BRD4: variants seen among roughly 807,000 people sequenced by gnomAD.
BRD4 encodes bromodomain containing 4, also known as bromodomain-containing protein 4.
In BRD4, 16 loss-of-function variants were observed where a neutral mutation model predicts 142.1. The ratio of observed to expected loss-of-function variants is 0.11; its 90% CI spans 0.08 to 0.17. The LOEUF (loss-of-function observed/expected upper bound fraction) is 0.17. Ranked by LOEUF, BRD4 falls within the 10% of genes least tolerant of loss-of-function variation. The pLI, the probability that BRD4 is intolerant of heterozygous loss-of-function variation, is 1.00. For missense variants in BRD4, 1,424 were observed against 1,810.9 expected (o/e 0.79, Z 3.88); for synonymous variants, 833 against 707.5 (o/e 1.18, Z -2.82).
At chr19:15,272,299 C>T (rs970251585) in intron 2 of BRD4, among the ~76,000 whole-genome samples, 1 of 152,142 alleles carries the variant, frequency 6.6e-6, no homozygotes, top group Non-Finnish European at 1.5e-5. Context: ...CAACTGGGGA[C>T]GCCTCCATGT....
intron 2 of BRD4, among the ~76,000 whole-genome samples, chr19:15,271,943 G>GGCTCTGGTGTGCACACACCAGTC (rs2047592417): frequency 2.0e-5 from 3 of 150,976 alleles, no homozygotes; most frequent in South Asian, 2.1e-4. Context: ...ACACACCAGT[G>GGCTCTGGTGTGCACACACCAGTC]GCTCTGGTGT....
chr19:15,306,249 T>C (rs548820998), intron 1 of BRD4, among the ~76,000 whole-genome samples: 1 of 152,350 alleles, frequency 6.6e-6, no homozygotes, highest in African/African-American at 2.4e-5. Flanking sequence ...GCAGCCTAGC[T>C]TTTGGCTTTC....
intron 1 of BRD4, among the ~76,000 whole-genome samples, chr19:15,326,200 T>TA: frequency 6.9e-6 from 1 of 145,172 alleles, no homozygotes; most frequent in East Asian, 2.0e-4. Flanking sequence ...CTCATGCCTG[T>TA]AATCCTAATC....
intron 1 of BRD4, among the ~76,000 whole-genome samples, chr19:15,331,265 AAC>A (rs2048155132): frequency 6.6e-6 from 1 of 152,230 alleles, no homozygotes; most frequent in Non-Finnish European, 1.5e-5. Flanking sequence ...CGTCCACTAC[AAC>A]AGAGTGGGGT....
Position 15,264,586 on chromosome 19 carries a change from G to C in BRD4, c.1030C>G (p.Pro344Ala). ...DVPDSQQHPA[P>A]EKSSKVSEQL... ...TCCGAGACCTTGCTGCTCTTCTCTGGTGCTGGGTGCTGCTGAGAGTCGGGC... is the reference window on the plus strand; with the variant it reads ...TCCGAGACCTTGCTGCTCTTCTCTGCTGCTGGGTGCTGCTGAGAGTCGGGC... The change falls in exon 6 of 20, where the codon CCA becomes GCA. Residue 344 changes from proline to alanine, a missense_variant. Pro to Ala is a conservative substitution (Grantham distance 27, BLOSUM62 -1). Around this residue, in one of 16 missense-constraint regions of BRD4, gnomAD observed 86 missense variants for 79.9 expected, o/e 1.08. Transcript: ENST00000679869. 6.2e-7 allele frequency: 1 copy of C among 1,614,168 alleles called. No individual in the cohort carries two copies. The highest frequency in any genetic ancestry group is 8.5e-7 in the Non-Finnish European group (1 of 1,180,040).
chr19:15,329,179 C>A (rs1194849479), intron 1 of BRD4, among the ~76,000 whole-genome samples: 1 of 152,014 alleles, frequency 6.6e-6, no homozygotes, highest in Non-Finnish European at 1.5e-5. Context: ...ACAATTCTCA[C>A]CTCGCAAATG....
intron 1 of BRD4, among the ~76,000 whole-genome samples, chr19:15,301,599 C>T (rs544595833): frequency 2.7e-5 from 4 of 150,394 alleles, no homozygotes; most frequent in Non-Finnish European, 4.4e-5. Context: ...CAGTGACTCA[C>T]GCCTGTAATC....
At chr19:15,260,920 G>A (rs564595115) in intron 7 of BRD4, among the ~76,000 whole-genome samples, 26 of 152,084 alleles carry the variant, frequency 1.7e-4, no homozygotes, top group African/African-American at 6.3e-4. Flanking sequence ...GAGGAAGGAA[G>A]GGCTAGAACA....
At chr19:15,327,538 C>T (rs2048119198) in intron 1 of BRD4, among the ~76,000 whole-genome samples, 1 of 151,646 alleles carries the variant, frequency 6.6e-6, no homozygotes, top group Admixed American at 6.6e-5. Flanking sequence ...AGCAAGACTC[C>T]GTCTCGAAAA....
rs184204022 is a variant in BRD4 at position 15,251,563 on chromosome 19, T to C, written c.2158+2589A>G. Among the ~76,000 whole-genome samples the C allele has an allele frequency of 1.6e-3, 234 of 150,378 alleles. 1 individual carries two copies. The highest frequency in any genetic ancestry group is 2.3e-3 in the Non-Finnish European group (157 of 67,756). On this transcript the variant is annotated intron_variant, in intron 11 of 19. Coordinates refer to ENST00000679869, the MANE Select transcript of BRD4 (RefSeq NM_001379291.1). ...AGGCAGAGCTGCCTGTAACGGGCCATGGACATCAGGGCTGCCGGGATTCCT... is the reference window on the plus strand; with the variant it reads ...AGGCAGAGCTGCCTGTAACGGGCCACGGACATCAGGGCTGCCGGGATTCCT...
rs1448980198 is a variant in BRD4, at chr19:15,312,663, C to T, written c.-35+19627G>A. ...ACAACAACCAAAAACAGGCTGTGCA[C>T]GGTGGCTCACATCTGCAATCCTAGA... On this transcript the variant is annotated intron_variant, in intron 1 of 19. Transcript: ENST00000679869. Among the ~76,000 whole-genome samples, 7 of 151,588 alleles carry T rather than the reference C, an allele frequency of 4.6e-5. No individual in the cohort carries two copies. The South Asian group carries it at 1.0e-3, about 23-fold the overall frequency.
In BRD4 at chr19:15,236,192, TTCAA is replaced by T. The variant is rs2047190841; in HGVS notation, c.*2181_*2184del. ...GGAGAATAAACAGTGCTAGAAATGT[TTCAA>T]TCAGTTTGTCTCTGCATACATATAA... is the stretch of plus-strand genomic sequence containing the variant. On this transcript the variant is annotated 3_prime_UTR_variant, in exon 20 of 20. Coordinates refer to ENST00000679869, the MANE Select transcript of BRD4 (RefSeq NM_001379291.1). The T allele has an allele frequency of 1.3e-5, 2 of 152,192 alleles. No homozygotes were observed. The highest frequency in any genetic ancestry group is 2.1e-4 in the South Asian group (1 of 4,832). The allele number at this position is 152,192 out of a possible 1,614,324, so 9.4% of individuals were successfully genotyped here. A position where few individuals can be genotyped will look rare whatever the true frequency, so the allele number is the denominator to read the frequency against.
At chr19:15,240,048 C>T (rs1235603275) in intron 14 of BRD4, 26 bp from the exon 15 acceptor site, 1 of 1,592,550 alleles carries the variant, frequency 6.3e-7, no homozygotes, top group Non-Finnish European at 8.6e-7. Flanking sequence ...AGGAATGTGT[C>T]AAGGGGCTGG....
At chr19:15,297,534 G>A (rs375972154) in intron 1 of BRD4, among the ~76,000 whole-genome samples, 3 of 152,162 alleles carry the variant, frequency 2.0e-5, no homozygotes, top group Admixed American at 6.5e-5. Context: ...AAAGCCTGAC[G>A]CACTTCCACA....
chr19:15,274,922 A>T (rs536488935), intron 1 of BRD4, among the ~76,000 whole-genome samples: 98 of 150,984 alleles, frequency 6.5e-4, no homozygotes, highest in Non-Finnish European at 1.1e-3. Context: ...GCAGTGGTGC[A>T]ATCTTGGCTC....
chr19:15,239,964 G>C lies in BRD4; in HGVS notation c.3228C>G (p.Phe1076Leu). The C allele has an allele frequency of 6.2e-7, 1 of 1,613,988 alleles. No homozygotes were observed. Among genetic ancestry groups the C allele is most frequent in the Non-Finnish European group, 8.5e-7 (1 of 1,180,016 alleles). ...GTGGAGACTGGTGGGTCAGGCTCTGGAACTGTGACATCTGGGGGGAATGTA... is the reference window on the plus strand; with the variant it reads ...GTGGAGACTGGTGGGTCAGGCTCTGCAACTGTGACATCTGGGGGGAATGTA... ...LMIHSPQMSQ[F>L]QSLTHQSPPQ... Residue 1076 changes from phenylalanine (F) to leucine (L), a missense_variant, in exon 15 of 20, where the codon TTC (phenylalanine) becomes TTG (leucine). By Grantham distance (22) the Phe-to-Leu change is conservative. This residue lies in a region of BRD4 where 598 missense variants were observed against 647.8 expected (regional missense o/e 0.92). Transcript: ENST00000679869. The surrounding 1 kb of genome is among the most constrained non-coding windows in gnomAD (Gnocchi z 7.4).
chr19:15,238,047 T>C lies in BRD4; in HGVS notation c.*330A>G, dbSNP rs2047207780. On this transcript the variant is annotated 3_prime_UTR_variant, in exon 20 of 20. Coordinates refer to ENST00000679869, the MANE Select transcript of BRD4 (RefSeq NM_001379291.1). This position sits in a 1 kb window ranked among gnomAD's most constrained non-coding sequence, Gnocchi z 7.2. Reference sequence around the variant, plus strand: ...GGCAGCAACGATGTCCTGTGTATACTGTGTAGACATTTGGCGGAGAGAAGG... The same window carrying C: ...GGCAGCAACGATGTCCTGTGTATACCGTGTAGACATTTGGCGGAGAGAAGG... 7.9e-6 allele frequency: 3 copies of C among 381,710 alleles called. No individual in the cohort carries two copies. The highest frequency in any genetic ancestry group is 8.5e-5 in the Admixed American group (2 of 23,590). 23.6% of individuals were successfully genotyped at this position (381,710 alleles called of 1,614,324 possible).
Position 15,238,521 on chromosome 19 carries a change from C to G in BRD4, c.4021-76G>C. ...AGCTACAAGCCCTCATACCCGCTACCAGCAGTCAGCCCCGTAGCCCTCCCC... is the reference window on the plus strand; with the variant it reads ...AGCTACAAGCCCTCATACCCGCTACGAGCAGTCAGCCCCGTAGCCCTCCCC... On this transcript the variant is annotated intron_variant, in intron 19 of 19. Transcript: ENST00000679869. The surrounding 1 kb of genome is among the most constrained non-coding windows in gnomAD (Gnocchi z 7.2). 1 of 1,607,502 alleles carries G rather than the reference C, an allele frequency of 6.2e-7. No individual in the cohort carries two copies. The highest frequency in any genetic ancestry group is 8.5e-7 in the Non-Finnish European group (1 of 1,177,346).
intron 1 of BRD4, among the ~76,000 whole-genome samples, chr19:15,286,637 A>T (rs1305760019): frequency 2.0e-5 from 3 of 152,188 alleles, no homozygotes; most frequent in Non-Finnish European, 4.4e-5. Context: ...CCCCACAGTC[A>T]CAGCACAATT....
Sources: gnomAD v4.1 joint callset for allele counts (sites outside exome capture counted in the v4.1 genomes callset) on GRCh38, gnomAD v4.1.1 for gene constraint, gnomAD v4.1.1 regional missense constraint, Gnocchi (gnomAD v3.1) non-coding constraint, MANE v1.5 for transcripts, NCBI Gene and HGNC (gene_info 2026-07-23, HGNC 2026-07-21) for gene names.